The following FCHSD2 variants were observed in gnomAD, a reference collection of about 807,000 sequenced individuals.
FCHSD2 encodes F-BAR and double SH3 domains protein 2.
In FCHSD2, 38 loss-of-function variants were observed where a neutral mutation model predicts 108.1. The ratio of observed to expected loss-of-function variants is 0.35; its 90% confidence interval spans 0.27 to 0.46. The LOEUF (loss-of-function observed/expected upper bound fraction) is 0.46. Ranked by LOEUF, FCHSD2 falls within the 20% of genes least tolerant of loss-of-function variation. The probability of loss-of-function intolerance (pLI) is 1.00; values close to 1 mark genes in which losing one functional copy is unlikely to be tolerated. For missense variants in FCHSD2, 751 were observed against 897.8 expected, an observed-to-expected ratio of 0.84 and a Z score of 2.09; for synonymous variants, 279 against 314.7, an observed-to-expected ratio of 0.89 and a Z score of 1.20.
In FCHSD2 at chr11:73,029,442, T is replaced by C. The variant is rs1858307972; in HGVS notation, c.166-13557A>G. On this transcript the variant is annotated intron_variant, in intron 3 of 19. Coordinates refer to ENST00000409418, the MANE Select transcript of FCHSD2 (RefSeq NM_014824.3). ...TAAATTACAGTTAATTTAGGTCAAT[T>C]TCAGCTCTTAGCTCAGCTGTGGCTA... is the stretch of plus-strand genomic sequence containing the variant. Among the ~76,000 whole-genome samples the C allele has an allele frequency of 2.6e-5, 4 of 152,338 alleles. 1 individual carries two copies. In the South Asian group the frequency reaches 6.2e-4, roughly 24 times the overall value.
intron 3 of FCHSD2, among the ~76,000 whole-genome samples, chr11:73,020,541 A>T (rs1858076416): frequency 6.6e-6 from 1 of 152,216 alleles, no homozygotes; most frequent in Non-Finnish European, 1.5e-5. Flanking sequence ...AAACTAATGC[A>T]AATTATGCAA....
chr11:72,904,161 GAAGGCTGGCTGAAT>G (rs1855583805), intron 9 of FCHSD2, among the ~76,000 whole-genome samples: 1 of 152,174 alleles, frequency 6.6e-6, no homozygotes, highest in Non-Finnish European at 1.5e-5. Context: ...TATGGTCTGG[GAAGGCTGGCTGAAT>G]AAACATATTC....
intron 3 of FCHSD2, among the ~76,000 whole-genome samples, chr11:73,062,727 C>A (rs1990674199): frequency 6.6e-6 from 1 of 151,970 alleles, no homozygotes; most frequent in Non-Finnish European, 1.5e-5. Context: ...AGAAAGAAGA[C>A]AAGATTACAG....
intron 3 of FCHSD2, among the ~76,000 whole-genome samples, chr11:73,045,151 A>T (rs964844516): frequency 2.0e-5 from 3 of 152,168 alleles, no homozygotes; most frequent in Admixed American, 2.0e-4. Flanking sequence ...TATGCAGCCA[A>T]AAAACACATG....
intron 12 of FCHSD2, 102 bp from the exon 13 acceptor site, chr11:72,868,128 GA>G: frequency 9.3e-7 from 1 of 1,071,600 alleles, no homozygotes; most frequent in Admixed American, 2.5e-5. Context: ...ACTGGATAAA[GA>G]AAATGTGGTA....
intron 12 of FCHSD2, among the ~76,000 whole-genome samples, chr11:72,873,715 T>G (rs756740521): frequency 2.0e-5 from 3 of 152,308 alleles, no homozygotes; most frequent in South Asian, 2.1e-4. Context: ...GCTGTTACAT[T>G]TAGGTATTCA....
intron 3 of FCHSD2, chr11:73,077,671 C>A: frequency 2.4e-6 from 1 of 417,342 alleles, no homozygotes; most frequent in Non-Finnish European, 4.7e-6. Flanking sequence ...CAATGGAATA[C>A]TACACAGCAA....
intron 7 of FCHSD2, among the ~76,000 whole-genome samples, chr11:72,984,686 C>G (rs1857279069): frequency 6.6e-6 from 1 of 152,148 alleles, no homozygotes; most frequent in Admixed American, 6.5e-5. Flanking sequence ...TGTGAAGTTT[C>G]CGAAGGAAAA....
chr11:72,896,764 T>TAAAAAAAAAAAAAAAAA (rs58159831), intron 10 of FCHSD2, among the ~76,000 whole-genome samples: 1 of 68,408 alleles, frequency 1.5e-5, no homozygotes, highest in Non-Finnish European at 2.7e-5. Context: ...GGGAAAATAC[T>TAAAAAAAAAAAAAAAAA]AAAAAAAAAA....
rs147280772 is a variant in FCHSD2 at position 72,913,983 on chromosome 11, C to T, written c.828+7845G>A. On this transcript the variant is annotated intron_variant, in intron 9 of 19. Coordinates refer to ENST00000409418, the MANE Select transcript of FCHSD2 (RefSeq NM_014824.3). ...GCTCATGGACAGGAAAAATCAATAT[C>T]ATAAAAATGGCCATACTGCCTTAAG... Among the ~76,000 whole-genome samples the T allele has an allele frequency of 9.2e-5, 14 of 152,090 alleles. No homozygotes were observed. The East Asian group carries it at 2.5e-3, about 27-fold the overall frequency.
intron 3 of FCHSD2, among the ~76,000 whole-genome samples, chr11:73,059,446 C>T (rs977354250): frequency 6.6e-6 from 1 of 152,130 alleles, no homozygotes; most frequent in Admixed American, 6.5e-5. Flanking sequence ...TCAGACTGCA[C>T]TTCAAAGAGT....
intron 3 of FCHSD2, among the ~76,000 whole-genome samples, chr11:73,068,772 C>G (rs1376087655): frequency 2.9e-5 from 4 of 140,312 alleles, no homozygotes; most frequent in Non-Finnish European, 6.1e-5. Flanking sequence ...GAGTTCAAAA[C>G]CAGCCTGGGC....
Position 73,080,105 on chromosome 11 carries a change from C to T in FCHSD2, c.165+3590G>A, listed in dbSNP as rs556759118. On this transcript the variant is annotated intron_variant, in intron 3 of 19. Coordinates refer to ENST00000409418, the MANE Select transcript of FCHSD2 (RefSeq NM_014824.3). Reference sequence around the variant, plus strand: ...CTTGAACCCAGGAGTTCGAGACCAGCCTGGGCAACATAGTAAGACCCTGTC... The same window carrying T: ...CTTGAACCCAGGAGTTCGAGACCAGTCTGGGCAACATAGTAAGACCCTGTC... Among the ~76,000 whole-genome samples, 5 of 151,860 alleles carry T rather than the reference C, an allele frequency of 3.3e-5. No homozygotes were observed. In the South Asian group the frequency reaches 1.0e-3, roughly 32 times the overall value.
At chr11:72,940,813 G>A in intron 8 of FCHSD2, 1 of 867,072 alleles carries the variant, frequency 1.2e-6, no homozygotes, top group South Asian at 1.3e-5. Flanking sequence ...AGAGGAGTGA[G>A]CTGGATGCCA....
At chr11:73,136,392 T>A (rs193150069) in intron 2 of FCHSD2, among the ~76,000 whole-genome samples, 1 of 152,120 alleles carries the variant, frequency 6.6e-6, no homozygotes, top group Admixed American at 6.5e-5. Flanking sequence ...AGACCCCATG[T>A]CTACAAAAAA....
intron 2 of FCHSD2, among the ~76,000 whole-genome samples, chr11:73,099,708 C>A (rs1319054406): frequency 6.6e-6 from 1 of 152,206 alleles, no homozygotes; most frequent in Non-Finnish European, 1.5e-5. Flanking sequence ...TCTTCTGCAC[C>A]CTCGGTCTGG....
chr11:72,979,955 AAATAC>A (rs778702808), intron 8 of FCHSD2, among the ~76,000 whole-genome samples: 14 of 152,206 alleles, frequency 9.2e-5, no homozygotes, highest in Non-Finnish European at 2.1e-4. Context: ...AATGTCCAGG[AAATAC>A]GAAAAGAACA....
chr11:73,099,642 G>A (rs1177598341), intron 2 of FCHSD2, among the ~76,000 whole-genome samples: 6 of 152,132 alleles, frequency 3.9e-5, no homozygotes, highest in South Asian at 2.1e-4. Flanking sequence ...CACTGATACC[G>A]CCCAGGCACC....
At chr11:72,896,442 C>T (rs909521833) in intron 10 of FCHSD2, among the ~76,000 whole-genome samples, 4 of 152,210 alleles carry the variant, frequency 2.6e-5, no homozygotes, top group African/African-American at 9.6e-5. Flanking sequence ...CCCCTAATGG[C>T]ACTCATCACT....
Sources: allele counts gnomAD v4.1 joint callset (sites outside exome capture counted in the v4.1 genomes callset), GRCh38; gene constraint gnomAD v4.1.1; transcripts MANE v1.5; gene names NCBI Gene and HGNC (gene_info 2026-07-23, HGNC 2026-07-21).